The following CASZ1 variants were observed in gnomAD, a reference collection of about 807,000 sequenced individuals.
CASZ1 encodes the protein zinc finger protein castor homolog 1.
Under a neutral mutation model 135.2 loss-of-function variants are expected in CASZ1, and 28 were observed. The ratio of observed to expected loss-of-function variants is 0.21; its 90% CI spans 0.15 to 0.28. CASZ1 has a LOEUF of 0.28. CASZ1 is among the 10% of genes least tolerant of loss of function. The pLI is 1.00. For synonymous variants in CASZ1, 1,068 were observed against 1,073.4 expected (o/e 0.99, Z 0.10); for missense variants, 2,161 against 2,453.3 (o/e 0.88, Z 2.52).
intron 17 of CASZ1, 80 bp from the exon 18 acceptor site, chr1:10,645,168 G>T: frequency 7.9e-7 from 1 of 1,269,548 alleles, no homozygotes; most frequent in Non-Finnish European, 1.1e-6. Context: ...AGGCTGTGGT[G>T]GGCCCTTGGC....
chr1:10,666,676 G>A lies in CASZ1; in HGVS notation c.17-1105C>T, dbSNP rs558341131. Among the ~76,000 whole-genome samples, 6 of 152,170 alleles carry A rather than the reference G, an allele frequency of 3.9e-5. No individual in the cohort carries two copies. Among genetic ancestry groups the A allele is most frequent in the Non-Finnish European group, 7.4e-5 (5 of 68,018 alleles). On this transcript the variant is annotated intron_variant, in intron 4 of 20. Coordinates refer to ENST00000377022, the MANE Select transcript of CASZ1 (RefSeq NM_001079843.3). This position sits in a 1 kb window ranked among gnomAD's most constrained non-coding sequence, Gnocchi z 5.2. The stretch of plus-strand genomic sequence containing the variant: ...AGAGCCAGCGACCTCCCTCGCGGCC[G>A]CATAGCCCAAACTCTGTCCCTGATA...
At chr1:10,686,297 G>A (rs1042694470) in intron 4 of CASZ1, among the ~76,000 whole-genome samples, 4 of 152,214 alleles carry the variant, frequency 2.6e-5, no homozygotes, top group Middle Eastern at 3.4e-3. Context: ...AAAGTTGGCA[G>A]AAAAAAAATT....
At chr1:10,670,045 T>A (rs1643354252) in intron 4 of CASZ1, among the ~76,000 whole-genome samples, 1 of 152,132 alleles carries the variant, frequency 6.6e-6, no homozygotes, top group African/African-American at 2.4e-5. Flanking sequence ...CCGCTGTATA[T>A]CAGGAGGTGG....
Position 10,700,173 on chromosome 1 carries a change from T to C in CASZ1, c.-24+5319A>G, listed in dbSNP as rs1639032646. Among the ~76,000 whole-genome samples, 2 of 151,984 alleles carry C rather than the reference T, an allele frequency of 1.3e-5. No individual in the cohort carries two copies. The highest frequency in any genetic ancestry group is 2.9e-5 in the Non-Finnish European group (2 of 68,018). ...GTTGCCCTGTGGGCCTGGCCCAGCC[T>C]GTGGCCCCAGCCCGGGCGGGGACCT... On this transcript the variant is annotated intron_variant, in intron 3 of 20. Coordinates refer to ENST00000377022, the MANE Select transcript of CASZ1 (RefSeq NM_001079843.3). The surrounding 1 kb of genome is among the most constrained non-coding windows in gnomAD (Gnocchi z 4.2).
intron 1 of CASZ1, among the ~76,000 whole-genome samples, chr1:10,795,581 C>G (rs11577305): frequency 0.16 from 24,010 of 152,194 alleles, 3,076 homozygotes; most frequent in East Asian, 0.56. Context: ...GCGCACACAA[C>G]AGCCGGCAAC....
Position 10,694,046 on chromosome 1 carries a change from C to A in CASZ1, c.-23-134G>T. The A allele has an allele frequency of 2.7e-6, 2 of 748,194 alleles. No homozygotes were observed. The highest frequency in any genetic ancestry group is 2.0e-6 in the Non-Finnish European group (1 of 494,540). The allele number at this position is 748,194 out of a possible 1,614,324, so 46.3% of individuals were successfully genotyped here. On this transcript the variant is annotated intron_variant, in intron 3 of 20. Transcript: ENST00000377022. This position sits in a 1 kb window ranked among gnomAD's most constrained non-coding sequence, Gnocchi z 6.6. ...CCGTCCCGGGCGGGCGCCGAGGCCGCGGCGGAGAAACTTTCTCCTCCGCGC... is the reference window on the plus strand; with the variant it reads ...CCGTCCCGGGCGGGCGCCGAGGCCGAGGCGGAGAAACTTTCTCCTCCGCGC...
chr1:10,713,013 C>T (rs1048547403), intron 2 of CASZ1, among the ~76,000 whole-genome samples: 1 of 152,228 alleles, frequency 6.6e-6, no homozygotes, highest in Non-Finnish European at 1.5e-5. Flanking sequence ...CGTGGGGCAG[C>T]CCCCTCAAGC....
At position 10,776,852 on chromosome 1, in the gene CASZ1, C is replaced by A. The variant is rs1185046381; in HGVS notation, c.-233-15995G>T. Among the ~76,000 whole-genome samples the A allele has an allele frequency of 1.3e-5, 2 of 152,210 alleles. No individual in the cohort carries two copies. The highest frequency in any genetic ancestry group is 2.1e-4 in the South Asian group (1 of 4,838). On this transcript the variant is annotated intron_variant, in intron 1 of 20. Transcript: ENST00000377022. The surrounding 1 kb of genome is among the most constrained non-coding windows in gnomAD (Gnocchi z 4.1). Reference sequence around the variant, plus strand: ...TGGAGATGGGGCTAGAACCACCTCACCTTCTCACCATCCAGTGCTCTTTCT... The same window carrying A: ...TGGAGATGGGGCTAGAACCACCTCAACTTCTCACCATCCAGTGCTCTTTCT...
rs955311379 is a variant in CASZ1, at chr1:10,645,229, C to T, written c.3697-141G>A. On this transcript the variant is annotated intron_variant, in intron 17 of 20. Coordinates refer to ENST00000377022, the MANE Select transcript of CASZ1 (RefSeq NM_001079843.3). Reference sequence around the variant, plus strand: ...CTGATGATCATAGAAACACCTTTCACATGTTAAAAAGCAGCGCAGGGCCGG... The same window carrying T: ...CTGATGATCATAGAAACACCTTTCATATGTTAAAAAGCAGCGCAGGGCCGG... The T allele has an allele frequency of 4.2e-5, 32 of 765,970 alleles. 1 individual carries two copies. Among genetic ancestry groups the T allele is most frequent in the Non-Finnish European group, 1.0e-5 (5 of 480,040 alleles). The allele number at this position is 765,970 out of a possible 1,614,324, so 47.4% of individuals were successfully genotyped here. A position where few individuals can be genotyped will look rare whatever the true frequency, so the allele number is the denominator to read the frequency against.
Position 10,644,979 on chromosome 1 carries a change from G to C in CASZ1, c.3806C>G (p.Ala1269Gly), listed in dbSNP as rs769941058. The change falls in exon 18 of 21, where the codon GCG becomes GGG. Residue 1269 changes from alanine (A) to glycine (G), a missense_variant. By Grantham distance (60) the Ala-to-Gly change is moderately conservative. Around this residue, in one of 7 missense-constraint regions of CASZ1, gnomAD observed 349 missense variants for 460.8 expected, o/e 0.76. Transcript: ENST00000377022. ...GAAGCCATTGGCTGCCCGCCGCTCC[G>C]CCTTCTCATGCTTCTTGATGTGCCA... is the stretch of plus-strand genomic sequence containing the variant. ...LPWHIKKHEK[A>G]ERRAANGFKY... The C allele has an allele frequency of 6.2e-7, 1 of 1,613,978 alleles. No individual in the cohort carries two copies. The highest frequency in any genetic ancestry group is 1.3e-5 in the African/African-American group (1 of 75,064).
At chr1:10,766,156 C>A (rs902384467) in intron 1 of CASZ1, among the ~76,000 whole-genome samples, 1 of 151,894 alleles carries the variant, frequency 6.6e-6, no homozygotes, top group African/African-American at 2.4e-5. Flanking sequence ...AAATACCGTG[C>A]GGAGGGTCAG....
intron 4 of CASZ1, among the ~76,000 whole-genome samples, chr1:10,689,043 A>C (rs1284417792): frequency 6.6e-6 from 1 of 152,206 alleles, no homozygotes; most frequent in Non-Finnish European, 1.5e-5. Flanking sequence ...TCAGGGTGTA[A>C]AAATCAGCTC....
At chr1:10,702,548 C>T (rs944110759) in intron 3 of CASZ1, among the ~76,000 whole-genome samples, 1 of 152,198 alleles carries the variant, frequency 6.6e-6, no homozygotes, top group African/African-American at 2.4e-5. Context: ...GGCAGAAGGC[C>T]AAGCCAAGAG....
rs1014113847 is a variant in CASZ1, at chr1:10,756,910, A to G, written c.-77+3791T>C. ...CTCAGCCCTTGAGCGCACAGATCACATTCAAAGCCACAGTAAGAGAAACTC... is the reference window on the plus strand; with the variant it reads ...CTCAGCCCTTGAGCGCACAGATCACGTTCAAAGCCACAGTAAGAGAAACTC... On this transcript the variant is annotated intron_variant, in intron 2 of 20. Transcript: ENST00000377022. The surrounding 1 kb of genome is among the most constrained non-coding windows in gnomAD (Gnocchi z 5.9). Among the ~76,000 whole-genome samples the G allele has an allele frequency of 1.4e-4, 21 of 152,198 alleles. No homozygotes were observed. Among genetic ancestry groups the G allele is most frequent in the African/African-American group, 5.1e-4 (21 of 41,450 alleles).
intron 5 of CASZ1, among the ~76,000 whole-genome samples, chr1:10,662,750 AC>A (rs1266596838): frequency 1.3e-5 from 2 of 151,844 alleles, no homozygotes; most frequent in Non-Finnish European, 2.9e-5. Flanking sequence ...ACACTCACAC[AC>A]CTCACAGACT....
Position 10,647,360 on chromosome 1 carries a change from A to G in CASZ1, c.3497+441T>C. 1 of 1,049,638 alleles carries G rather than the reference A, an allele frequency of 9.5e-7. No individual in the cohort carries two copies. The highest frequency in any genetic ancestry group is 1.7e-5 in the African/African-American group (1 of 58,766). The allele number at this position is 1,049,638 out of a possible 1,614,324, so 65.0% of individuals were successfully genotyped here. On this transcript the variant is annotated intron_variant, in intron 16 of 20. Coordinates refer to ENST00000377022, the MANE Select transcript of CASZ1 (RefSeq NM_001079843.3). This position sits in a 1 kb window ranked among gnomAD's most constrained non-coding sequence, Gnocchi z 4.9. ...GCTCAGACCACTGTGCAGGCCAGTG[A>G]CGGCCTGGAGGGGCCTGGCCCCTAC...
chr1:10,662,718 C>T (rs764357192), intron 5 of CASZ1, among the ~76,000 whole-genome samples: 16 of 152,156 alleles, frequency 1.1e-4, no homozygotes, highest in Non-Finnish European at 2.2e-4. Flanking sequence ...CACACACACT[C>T]ATACAGACTC....
At position 10,640,131 on chromosome 1, in the gene CASZ1, T is replaced by A. The variant is rs1028084012; in HGVS notation, c.4163-72A>T. 7 of 1,527,116 alleles carry A rather than the reference T, an allele frequency of 4.6e-6. No individual in the cohort carries two copies. In the African/African-American group the frequency reaches 6.9e-5, roughly 15 times the overall value. 94.6% of individuals were successfully genotyped at this position (1,527,116 alleles called of 1,614,324 possible). A position where few individuals can be genotyped will look rare whatever the true frequency, so the allele number is the denominator to read the frequency against. On this transcript the variant is annotated intron_variant, in intron 20 of 20. Coordinates refer to ENST00000377022, the MANE Select transcript of CASZ1 (RefSeq NM_001079843.3). ...CACCATCAACAGGGTTACACCCACA[T>A]GGGACCCCTGATCTGGCATGGCGCC... is the stretch of plus-strand genomic sequence containing the variant.
chr1:10,691,006 T>G (rs1638748520), intron 4 of CASZ1, among the ~76,000 whole-genome samples: 1 of 148,852 alleles, frequency 6.7e-6, no homozygotes, highest in South Asian at 2.2e-4. Flanking sequence ...CCCTCCCCCC[T>G]TCCCGCTCCC....
Sources: allele counts gnomAD v4.1 joint callset (sites outside exome capture counted in the v4.1 genomes callset), GRCh38; gene constraint gnomAD v4.1.1; regional missense constraint gnomAD v4.1.1; non-coding constraint Gnocchi (gnomAD v3.1); transcripts MANE v1.5; gene names NCBI Gene and HGNC (gene_info 2026-07-23, HGNC 2026-07-21).